Variants in QTMAN observed in about 807,000 individuals in gnomAD.
The protein encoded by QTMAN is tRNA-queuosine alpha-mannosyltransferase.
the QTMAN span, chr2:143,944,967 T>G: frequency 6.6e-6 from 1 of 152,024 alleles, no homozygotes; most frequent in Non-Finnish European, 1.5e-5. Flanking sequence ...GGGTACTAGT[T>G]GTGTGTGGAG....
At chr2:144,223,319 T>C in the QTMAN span, among the ~76,000 whole-genome samples, 19 of 152,224 alleles carry the variant, frequency 1.2e-4, no homozygotes, top group East Asian at 3.7e-3. Context: ...AGACACAATC[T>C]TATTTTATCT....
the QTMAN span, among the ~76,000 whole-genome samples, chr2:144,196,149 C>G: frequency 6.6e-6 from 1 of 151,452 alleles, no homozygotes; most frequent in African/African-American, 2.4e-5. Context: ...AGCTAAGAAT[C>G]ATTACATTTG....
the QTMAN span, among the ~76,000 whole-genome samples, chr2:144,327,623 T>C: frequency 6.6e-6 from 1 of 152,016 alleles, no homozygotes; most frequent in Non-Finnish European, 1.5e-5. Flanking sequence ...CTCAAAAAAG[T>C]TCAAATTATA....
chr2:144,209,378 A>T, the QTMAN span, among the ~76,000 whole-genome samples: 6 of 152,236 alleles, frequency 3.9e-5, no homozygotes, highest in African/African-American at 1.4e-4. Context: ...CCAAATGCAA[A>T]TCTCTATTTT....
chr2:144,110,704 T>C, the QTMAN span, among the ~76,000 whole-genome samples: 1 of 142,318 alleles, frequency 7.0e-6, no homozygotes, highest in Non-Finnish European at 1.5e-5. Context: ...AAAAAAACCT[T>C]GTGCAAATAT....
the QTMAN span, among the ~76,000 whole-genome samples, chr2:144,148,268 T>C: frequency 6.6e-6 from 1 of 151,780 alleles, no homozygotes; most frequent in Non-Finnish European, 1.5e-5. Context: ...TTCAGCCAAA[T>C]GCTACTACTA....
At chr2:144,162,554 T>A in the QTMAN span, among the ~76,000 whole-genome samples, 1 of 151,362 alleles carries the variant, frequency 6.6e-6, no homozygotes, top group East Asian at 1.9e-4. Flanking sequence ...GCAGAATATA[T>A]CAGGGGAAAA....
the QTMAN span, among the ~76,000 whole-genome samples, chr2:144,072,756 C>CTTAG: frequency 1.9e-3 from 296 of 152,310 alleles, 3 homozygotes; most frequent in Non-Finnish European, 3.0e-3. Flanking sequence ...ACATGACAGG[C>CTTAG]TTAGGGTCTT....
chr2:144,181,382 G>A, the QTMAN span, among the ~76,000 whole-genome samples: 4 of 152,080 alleles, frequency 2.6e-5, no homozygotes, highest in African/African-American at 9.7e-5. Flanking sequence ...TAGTTTTTTA[G>A]GAACTAAGTA....
At chr2:144,285,321 A>G in the QTMAN span, among the ~76,000 whole-genome samples, 1 of 152,202 alleles carries the variant, frequency 6.6e-6, no homozygotes, top group Non-Finnish European at 1.5e-5. Flanking sequence ...GTCATTATAA[A>G]TTTAACATCT....
At chr2:144,116,092 T>C in the QTMAN span, among the ~76,000 whole-genome samples, 1 of 152,106 alleles carries the variant, frequency 6.6e-6, no homozygotes. Context: ...GTAAAATATA[T>C]CCATGCAAAA....
the QTMAN span, among the ~76,000 whole-genome samples, chr2:144,220,562 A>C: frequency 4.6e-5 from 7 of 152,316 alleles, no homozygotes; most frequent in Middle Eastern, 3.4e-3. Flanking sequence ...ATTCCTTACA[A>C]ACTACCCAAA....
chr2:144,109,483 T>C, the QTMAN span, among the ~76,000 whole-genome samples: 1 of 152,146 alleles, frequency 6.6e-6, no homozygotes, highest in Non-Finnish European at 1.5e-5. Context: ...GACATAGGCA[T>C]GGGCAAGGAC....
the QTMAN span, among the ~76,000 whole-genome samples, chr2:143,953,830 G>C: frequency 2.6e-5 from 4 of 151,792 alleles, no homozygotes; most frequent in Non-Finnish European, 4.4e-5. Flanking sequence ...TTCAACCCAA[G>C]AGTACTCTGA....
At chr2:143,981,779 TG>T in the QTMAN span, among the ~76,000 whole-genome samples, 3 of 152,226 alleles carry the variant, frequency 2.0e-5, no homozygotes, top group African/African-American at 7.2e-5. Context: ...GAACACAATA[TG>T]GAATGTCTGT....
At chr2:144,125,649 T>A in the QTMAN span, among the ~76,000 whole-genome samples, 1 of 152,094 alleles carries the variant, frequency 6.6e-6, no homozygotes, top group Non-Finnish European at 1.5e-5. Context: ...GATATCATCA[T>A]CATTTTAAAG....
chr2:143,981,587 C>T, the QTMAN span, among the ~76,000 whole-genome samples: 3 of 152,182 alleles, frequency 2.0e-5, no homozygotes, highest in South Asian at 6.2e-4. Flanking sequence ...ATAAGAAATC[C>T]CTCCAACGTA....
the QTMAN span, among the ~76,000 whole-genome samples, chr2:143,989,862 C>T: frequency 1.3e-5 from 2 of 152,206 alleles, no homozygotes; most frequent in Admixed American, 6.5e-5. Context: ...TCCAGTTTAC[C>T]ATAGTTCCCA....
chr2:143,939,212 T>C, the QTMAN span: 5 of 152,236 alleles, frequency 3.3e-5, no homozygotes, highest in African/African-American at 9.6e-5. Flanking sequence ...TTCTTACAGC[T>C]TTCCTGTGTT....
Sources: allele counts gnomAD v4.1 joint callset (sites outside exome capture counted in the v4.1 genomes callset), GRCh38; gene constraint gnomAD v4.1.1; transcripts MANE v1.5; gene names NCBI Gene and HGNC (gene_info 2026-07-23, HGNC 2026-07-21).